The following OPCML variants were observed in gnomAD, a reference collection of about 807,000 sequenced individuals.
The protein encoded by OPCML is opioid binding protein/cell adhesion molecule like, also known as opioid-binding protein/cell adhesion molecule.
In OPCML, 13 loss-of-function variants were observed where a neutral mutation model predicts 37.8. The observed-to-expected ratio is 0.34, with a 90% CI of 0.22 to 0.55. OPCML has a LOEUF of 0.55. OPCML is among the 20% of genes least tolerant of loss of function. OPCML has a pLI of 0.91. For missense variants in OPCML, 341 were observed against 435.6 expected (o/e 0.78, Z 1.93); for synonymous variants, 176 against 168.8 (o/e 1.04, Z -0.33).
At chr11:133,453,533 T>C (rs963578042) in intron 1 of OPCML, among the ~76,000 whole-genome samples, 5 of 152,208 alleles carry the variant, frequency 3.3e-5, no homozygotes, top group Admixed American at 2.6e-4. Context: ...AACATATAGA[T>C]TGCATTAAAA....
chr11:133,262,844 G>T (rs986730109), intron 1 of OPCML, among the ~76,000 whole-genome samples: 1 of 151,660 alleles, frequency 6.6e-6, no homozygotes, highest in Non-Finnish European at 1.5e-5. Flanking sequence ...GCCCCTAGGA[G>T]ATTCCAGCAG....
chr11:133,258,385 T>A (rs1941383786), intron 1 of OPCML, among the ~76,000 whole-genome samples: 1 of 152,076 alleles, frequency 6.6e-6, no homozygotes, highest in Non-Finnish European at 1.5e-5. Flanking sequence ...AATCTTCAAC[T>A]CTTTGAGAAT....
chr11:132,451,654 C>T (rs150175891), intron 4 of OPCML, among the ~76,000 whole-genome samples: 1,552 of 152,256 alleles, frequency 0.01, 23 homozygotes, highest in African/African-American at 0.035. Flanking sequence ...GTGAGGGGTG[C>T]GGCTCTGTTG....
At chr11:132,819,502 T>C (rs1406255002) in intron 2 of OPCML, among the ~76,000 whole-genome samples, 2 of 152,088 alleles carry the variant, frequency 1.3e-5, no homozygotes, top group South Asian at 2.1e-4. Flanking sequence ...ATTAACCCAA[T>C]AGATGAATTT....
At chr11:132,934,483 G>A (rs1945309014) in intron 2 of OPCML, among the ~76,000 whole-genome samples, 1 of 152,136 alleles carries the variant, frequency 6.6e-6, no homozygotes, top group Non-Finnish European at 1.5e-5. Context: ...GTTATGTGTG[G>A]TCCTGTGGCC....
intron 1 of OPCML, among the ~76,000 whole-genome samples, chr11:133,444,683 T>C (rs1290914767): frequency 6.6e-6 from 1 of 152,224 alleles, no homozygotes; most frequent in African/African-American, 2.4e-5. Context: ...GTCAAACAAT[T>C]GCATCCCTAG....
chr11:133,420,418 A>G lies in OPCML; in HGVS notation c.61+111846T>C, dbSNP rs375385360. On this transcript the variant is annotated intron_variant, in intron 1 of 7. Transcript: ENST00000524381. Reference sequence around the variant, plus strand: ...TAATTAACTCTTTGTTCAATGCAGTATATCAGTTGAATTTCAGTTTGTTTT... The same window carrying G: ...TAATTAACTCTTTGTTCAATGCAGTGTATCAGTTGAATTTCAGTTTGTTTT... The G allele has an allele frequency of 4.7e-5, 46 of 985,308 alleles. No homozygotes were observed. In the East Asian group the frequency reaches 1.2e-3, roughly 27 times the overall value. 61.0% of individuals were successfully genotyped at this position (985,308 alleles called of 1,614,324 possible). A position where few individuals can be genotyped will look rare whatever the true frequency, so the allele number is the denominator to read the frequency against.
rs139298921 is a variant in OPCML, at chr11:133,368,419, G to A, written c.61+163845C>T. Among the ~76,000 whole-genome samples the A allele has an allele frequency of 3.1e-3, 472 of 152,268 alleles. 2 individuals carry two copies. Among genetic ancestry groups the A allele is most frequent in the African/African-American group, 9.9e-3 (412 of 41,554 alleles). On this transcript the variant is annotated intron_variant, in intron 1 of 7. Coordinates refer to ENST00000524381, the MANE Select transcript of OPCML (RefSeq NM_001012393.5). ...TGAGGCATTAAGACCAACCATTAAG[G>A]TCACAGTGTACCTAGCATTATAATG...
Position 132,593,000 on chromosome 11 carries a change from GA to G in OPCML, c.380-63815del, listed in dbSNP as rs558404148. ...ACGGAGTTCTGGAGAGTGAGAAATG[GA>G]AAAAAAGCACTGGAAGACATAAATA... On this transcript the variant is annotated intron_variant, in intron 3 of 7. Coordinates refer to ENST00000524381, the MANE Select transcript of OPCML (RefSeq NM_001012393.5). 1.9e-3 allele frequency among the ~76,000 whole-genome samples: 290 copies of G among 152,118 alleles called. 2 individuals carry two copies. Among genetic ancestry groups the G allele is most frequent in the Non-Finnish European group, 3.6e-3 (242 of 67,964 alleles).
At chr11:132,938,229 T>A (rs1340841535) in intron 2 of OPCML, among the ~76,000 whole-genome samples, 1 of 152,054 alleles carries the variant, frequency 6.6e-6, no homozygotes, top group East Asian at 1.9e-4. Flanking sequence ...AGTCAACACA[T>A]AAAGCACAGC....
intron 2 of OPCML, among the ~76,000 whole-genome samples, chr11:132,807,910 C>G (rs11223220): frequency 0.22 from 33,804 of 151,120 alleles, 4,749 homozygotes; most frequent in Non-Finnish European, 0.33. Context: ...ATTTGTAAGG[C>G]CATCAAAATT....
At chr11:132,972,641 G>A (rs544114688) in intron 1 of OPCML, among the ~76,000 whole-genome samples, 2 of 152,234 alleles carry the variant, frequency 1.3e-5, no homozygotes, top group African/African-American at 4.8e-5. Context: ...TCCTTTTAAT[G>A]TCTCTTTCCT....
chr11:133,493,456 CT>C (rs997060721), intron 1 of OPCML, among the ~76,000 whole-genome samples: 1 of 152,028 alleles, frequency 6.6e-6, no homozygotes, highest in Non-Finnish European at 1.5e-5. Context: ...TACATGCATA[CT>C]TTTTTTTACA....
intron 3 of OPCML, among the ~76,000 whole-genome samples, chr11:132,619,378 A>G (rs1300306699): frequency 6.6e-6 from 1 of 152,174 alleles, no homozygotes; most frequent in Non-Finnish European, 1.5e-5. Flanking sequence ...TGCACTGTTT[A>G]TGTTCACTAT....
intron 1 of OPCML, among the ~76,000 whole-genome samples, chr11:133,063,548 G>C (rs573787989): frequency 6.8e-4 from 103 of 150,654 alleles, no homozygotes; most frequent in Non-Finnish European, 1.3e-3. Context: ...GGTCAGAAAA[G>C]GTCATTTACA....
intron 2 of OPCML, among the ~76,000 whole-genome samples, chr11:132,665,562 T>C (rs557044665): frequency 6.6e-6 from 1 of 152,276 alleles, no homozygotes; most frequent in African/African-American, 2.4e-5. Context: ...TTAAACTGCT[T>C]GGCTGTGGGA....
At chr11:132,998,426 A>G (rs1332389919) in intron 1 of OPCML, among the ~76,000 whole-genome samples, 2 of 152,032 alleles carry the variant, frequency 1.3e-5, no homozygotes, top group Non-Finnish European at 2.9e-5. Context: ...TCATGCTCCA[A>G]TCCCCTCCCC....
intron 1 of OPCML, among the ~76,000 whole-genome samples, chr11:133,129,827 G>A (rs1164979623): frequency 6.6e-6 from 1 of 152,130 alleles, no homozygotes; most frequent in East Asian, 1.9e-4. Context: ...AAGGTAACTT[G>A]AACACAGGAG....
chr11:132,855,768 T>G (rs74354206), intron 2 of OPCML, among the ~76,000 whole-genome samples: 3,027 of 152,234 alleles, frequency 0.02, 42 homozygotes, highest in Middle Eastern at 0.048. Flanking sequence ...CCTCAGAAAT[T>G]GTGAAATAAA....
Sources: allele counts gnomAD v4.1 joint callset (sites outside exome capture counted in the v4.1 genomes callset), GRCh38; gene constraint gnomAD v4.1.1; transcripts MANE v1.5; gene names NCBI Gene and HGNC (gene_info 2026-07-23, HGNC 2026-07-21).